The following AHRR variants were observed in gnomAD, a reference collection of about 807,000 sequenced individuals.
AHRR encodes aryl hydrocarbon receptor repressor.
Under a neutral mutation model 44.0 loss-of-function variants are expected in AHRR, and 28 were observed. That is an observed-to-expected ratio of 0.64 (90% CI 0.47 to 0.87). The LOEUF (loss-of-function observed/expected upper bound fraction) is 0.87, where lower values mean the gene tolerates loss of function less well. AHRR is among the 40% of genes least tolerant of loss of function. The pLI is 0.00. For synonymous variants in AHRR, 434 were observed against 407.0 expected, an observed-to-expected ratio of 1.07 and a Z score of -0.80; for missense variants, 990 against 953.9, an observed-to-expected ratio of 1.04 and a Z score of -0.50.
At position 434,971 on chromosome 5, in the gene AHRR, AGTGT is replaced by A; in HGVS notation, c.*145_*148del. The A allele has an allele frequency of 8.0e-7, 1 of 1,245,644 alleles. No individual in the cohort carries two copies. The allele number at this position is 1,245,644 out of a possible 1,614,324, so 77.2% of individuals were successfully genotyped here. On this transcript the variant is annotated 3_prime_UTR_variant, in exon 11 of 11. Transcript: ENST00000684583. ...CAGAGCTGTGCATGCGCAGTCTGCT[AGTGT>A]GTGTGTGCAGCATACGCAGGAGCCT...
rs951468633 is a variant in AHRR, at chr5:404,713, A to G, written c.352-8631A>G. Among the ~76,000 whole-genome samples the G allele has an allele frequency of 3.3e-5, 5 of 152,322 alleles. No individual in the cohort carries two copies. Among genetic ancestry groups the G allele is most frequent in the Admixed American group, 3.3e-4 (5 of 15,302 alleles). On this transcript the variant is annotated intron_variant, in intron 4 of 10. Coordinates refer to ENST00000684583, the MANE Select transcript of AHRR (RefSeq NM_001377236.1). This position sits in a 1 kb window ranked among gnomAD's most constrained non-coding sequence, Gnocchi z 4.1. ...GTCTTGTCACATGAGCTAAAACTAA[A>G]GTCCCTAAGAATCCTCCAAGAAAGA...
At chr5:373,602 G>C (rs564408649) in intron 3 of AHRR, among the ~76,000 whole-genome samples, 5 of 152,168 alleles carry the variant, frequency 3.3e-5, no homozygotes, top group Non-Finnish European at 7.4e-5. Context: ...GGCGGAGGGG[G>C]GGTCTCTCTC....
chr5:339,845 T>C (rs572459953), intron 1 of AHRR, among the ~76,000 whole-genome samples: 159 of 152,248 alleles, frequency 1.0e-3, no homozygotes, highest in Admixed American at 2.1e-3. Flanking sequence ...TGAATTACAG[T>C]GATTGGTGTT....
chr5:346,611 A>T (rs1260270932), intron 2 of AHRR, among the ~76,000 whole-genome samples: 1 of 152,054 alleles, frequency 6.6e-6, no homozygotes, highest in Non-Finnish European at 1.5e-5. Context: ...CCAGCTATGG[A>T]AGTGTCTCAA....
chr5:349,590 A>C (rs944388430), intron 2 of AHRR, among the ~76,000 whole-genome samples: 1 of 152,064 alleles, frequency 6.6e-6, no homozygotes, highest in African/African-American at 2.4e-5. Flanking sequence ...AAAAAAAAAA[A>C]AAAGAAGAAA....
intron 1 of AHRR, among the ~76,000 whole-genome samples, chr5:324,181 T>C (rs952533448): frequency 2.0e-5 from 3 of 151,678 alleles, no homozygotes; most frequent in Admixed American, 6.6e-5. Context: ...TGCCTCAGCC[T>C]CCCAAGTAGC....
chr5:381,993 T>C (rs567603231), intron 4 of AHRR, among the ~76,000 whole-genome samples: 5 of 152,366 alleles, frequency 3.3e-5, no homozygotes, highest in Admixed American at 1.3e-4. Flanking sequence ...TACATTACAT[T>C]GATTTTAAAA....
In AHRR at chr5:381,506, C is replaced by CTTTTTTTTTT. The variant is rs781159124; in HGVS notation, c.351+4808_351+4817dup. Among the ~76,000 whole-genome samples the CTTTTTTTTTT allele has an allele frequency of 7.0e-4, 33 of 46,916 alleles. 12 individuals carry two copies. The highest frequency in any genetic ancestry group is 1.6e-3 in the Admixed American group (5 of 3,196). The allele number at this position is 46,916 out of a possible 152,430, so 30.8% of individuals were successfully genotyped here. On this transcript the variant is annotated intron_variant, in intron 4 of 10. Coordinates refer to ENST00000684583, the MANE Select transcript of AHRR (RefSeq NM_001377236.1). ...CATTAAATATATTAGCTTAGGTTTGCTTTTTTTTTTTTTTTTTTTTTTTTT... is the reference window on the plus strand; with the variant it reads ...CATTAAATATATTAGCTTAGGTTTGCTTTTTTTTTTTTTTTTTTTTTTTTTTTTTTTTTTT...
At chr5:426,330 TGATG>T (rs142659908) in intron 7 of AHRR, among the ~76,000 whole-genome samples, 18,507 of 143,240 alleles carry the variant, frequency 0.13, 1,466 homozygotes, top group Non-Finnish European at 0.19. Flanking sequence ...GATAGGAAGA[TGATG>T]GATGGATGGA....
At chr5:366,070 C>A (rs917524500) in intron 3 of AHRR, among the ~76,000 whole-genome samples, 1 of 151,874 alleles carries the variant, frequency 6.6e-6, no homozygotes, top group Non-Finnish European at 1.5e-5. Context: ...CCCCCCCACC[C>A]CCTGCCCCAC....
intron 7 of AHRR, among the ~76,000 whole-genome samples, chr5:426,262 A>G (rs1029852942): frequency 1.3e-5 from 2 of 152,062 alleles, no homozygotes; most frequent in South Asian, 2.1e-4. Flanking sequence ...GGATGGATGG[A>G]TGGATGGATG....
intron 3 of AHRR, among the ~76,000 whole-genome samples, chr5:375,507 G>A (rs1007231581): frequency 6.6e-6 from 1 of 152,194 alleles, no homozygotes; most frequent in Non-Finnish European, 1.5e-5. Flanking sequence ...CCGGGACCCC[G>A]GCACAGGCTG....
intron 7 of AHRR, 106 bp downstream of exon 7, chr5:424,083 T>G: frequency 3.6e-6 from 5 of 1,406,514 alleles, no homozygotes; most frequent in Non-Finnish European, 1.9e-6. Context: ...TTAAACCACA[T>G]GTCCCTGGTG....
rs1735980908 is a variant in AHRR at position 419,668 on chromosome 5, T to C, written c.442-3061T>C. On this transcript the variant is annotated intron_variant, in intron 5 of 10. Transcript: ENST00000684583. This position sits in a 1 kb window ranked among gnomAD's most constrained non-coding sequence, Gnocchi z 4.4. ...GTCCTGGCAAAGCCGGGGCCCTCCA[T>C]GGTGCCCGGCTCTTACTGCACAGGG... 6.6e-6 allele frequency among the ~76,000 whole-genome samples: 1 copy of C among 152,066 alleles called. No individual in the cohort carries two copies. Among genetic ancestry groups the C allele is most frequent in the Non-Finnish European group, 1.5e-5 (1 of 68,014 alleles).
At chr5:346,551 C>T (rs1206369504) in intron 2 of AHRR, among the ~76,000 whole-genome samples, 1 of 152,222 alleles carries the variant, frequency 6.6e-6, no homozygotes, top group Non-Finnish European at 1.5e-5. Flanking sequence ...ACCCAAATCT[C>T]TCAAGTGCAC....
In AHRR at chr5:428,019, C is replaced by T. The variant is rs1019305893; in HGVS notation, c.908+13C>T. 1.3e-5 allele frequency: 21 copies of T among 1,611,590 alleles called. 1 individual carries two copies. Among genetic ancestry groups the T allele is most frequent in the Admixed American group, 8.4e-5 (5 of 59,764 alleles). ...CCGCGGATGCAAAGTGAGTAAGACT[C>T]GCCCTTCACAGCCACATGGTGCCTG... On this transcript the variant is annotated intron_variant, in intron 8 of 10. Coordinates refer to ENST00000684583, the MANE Select transcript of AHRR (RefSeq NM_001377236.1).
intron 1 of AHRR, chr5:322,677 C>T (rs1173470592): frequency 6.6e-6 from 1 of 152,248 alleles, no homozygotes; most frequent in Admixed American, 6.5e-5. Context: ...GTCGCTCATC[C>T]AGCCTCTCAG....
intron 3 of AHRR, among the ~76,000 whole-genome samples, chr5:359,716 C>T (rs912889869): frequency 6.6e-6 from 1 of 152,072 alleles, no homozygotes; most frequent in African/African-American, 2.4e-5. Flanking sequence ...TGTGTCCATC[C>T]TGGAGCCCCT....
chr5:332,929 C>CTTTTTTTTTTTTTTT (rs57937804), intron 1 of AHRR, among the ~76,000 whole-genome samples: 1 of 132,080 alleles, frequency 7.6e-6, no homozygotes, highest in East Asian at 2.4e-4. Context: ...TGACCTTTGT[C>CTTTTTTTTTTTTTTT]TTTTTTTTTT....
Sources: gnomAD v4.1 joint callset for allele counts (sites outside exome capture counted in the v4.1 genomes callset) on GRCh38, gnomAD v4.1.1 for gene constraint, Gnocchi (gnomAD v3.1) non-coding constraint, MANE v1.5 for transcripts, NCBI Gene and HGNC (gene_info 2026-07-23, HGNC 2026-07-21) for gene names.